Variants in KCNN3 observed in about 807,000 individuals in gnomAD.
KCNN3 encodes potassium calcium-activated channel subfamily N member 3, also known as small conductance calcium-activated potassium channel protein 3.
Under a neutral mutation model 62.9 loss-of-function variants are expected in KCNN3, and 16 were observed. That is an observed-to-expected ratio of 0.25 (90% CI 0.17 to 0.39). The LOEUF (loss-of-function observed/expected upper bound fraction) is 0.39. KCNN3 is among the 10% of genes least tolerant of loss of function. KCNN3 has a pLI of 1.00. For synonymous variants in KCNN3, 370 were observed against 389.2 expected (o/e 0.95, Z 0.58); for missense variants, 599 against 949.4 (o/e 0.63, Z 4.85).
At chr1:154,714,611 T>G (rs1467943609) in intron 6 of KCNN3, among the ~76,000 whole-genome samples, 3 of 54,390 alleles carry the variant, frequency 5.5e-5, no homozygotes, top group Non-Finnish European at 1.2e-4. Flanking sequence ...GTGTGGTGTG[T>G]GGTGTGTGTG....
chr1:154,701,339 A>G lies in KCNN3; in HGVS notation c.*6637T>C, dbSNP rs1699847579. The G allele has an allele frequency of 6.6e-6, 1 of 152,344 alleles. No homozygotes were observed. The highest frequency in any genetic ancestry group is 6.5e-5 in the Admixed American group (1 of 15,306). The allele number at this position is 152,344 out of a possible 1,614,324, so 9.4% of individuals were successfully genotyped here. On this transcript the variant is annotated 3_prime_UTR_variant, in exon 8 of 8. Transcript: ENST00000271915. ...CCGATGCAACCTGGTTTGCACCTGT[A>G]CAATATTGCACCAAAGCAACAACAG...
intron 1 of KCNN3, among the ~76,000 whole-genome samples, chr1:154,840,895 C>A (rs1431282892): frequency 4.6e-5 from 7 of 152,260 alleles, no homozygotes; most frequent in African/African-American, 1.7e-4. Context: ...GGTCAGGCCA[C>A]CGAATCCAGA....
chr1:154,848,779 G>C lies in KCNN3; in HGVS notation c.933+20253C>G, dbSNP rs1215655798. ...CCAGCTCAACCCCTACTTCTTCTAA[G>C]AAGCCTCCAAACATTAATATCCGCG... is the stretch of plus-strand genomic sequence containing the variant. On this transcript the variant is annotated intron_variant, in intron 1 of 7. Coordinates refer to ENST00000271915, the MANE Select transcript of KCNN3 (RefSeq NM_002249.6). Among the ~76,000 whole-genome samples, 4 of 152,234 alleles carry C rather than the reference G, an allele frequency of 2.6e-5. No homozygotes were observed. The East Asian group carries it at 7.7e-4, about 29-fold the overall frequency.
At chr1:154,857,762 C>T (rs1017203877) in intron 1 of KCNN3, among the ~76,000 whole-genome samples, 7 of 152,178 alleles carry the variant, frequency 4.6e-5, no homozygotes, top group Admixed American at 6.5e-5. Flanking sequence ...TTATATCTAC[C>T]TCACAGGGTT....
In KCNN3 at chr1:154,809,742, C is replaced by T. The variant is rs1650322827; in HGVS notation, c.1029+12347G>A. Among the ~76,000 whole-genome samples the T allele has an allele frequency of 6.6e-6, 1 of 152,192 alleles. No individual in the cohort carries two copies. The highest frequency in any genetic ancestry group is 2.1e-4 in the South Asian group (1 of 4,818). ...AGAAGAAAATGAAAGGTACAGTTCT[C>T]ACCTAAAAAGCCAACGGTATTAGGA... is the stretch of plus-strand genomic sequence containing the variant. On this transcript the variant is annotated intron_variant, in intron 2 of 7. Coordinates refer to ENST00000271915, the MANE Select transcript of KCNN3 (RefSeq NM_002249.6). The surrounding 1 kb of genome is among the most constrained non-coding windows in gnomAD (Gnocchi z 4.3).
At position 154,829,492 on chromosome 1, in the gene KCNN3, C is replaced by T. The variant is rs185399354; in HGVS notation, c.934-7308G>A. 1.1e-3 allele frequency among the ~76,000 whole-genome samples: 167 copies of T among 152,298 alleles called. 1 individual carries two copies. The highest frequency in any genetic ancestry group is 2.8e-3 in the Admixed American group (43 of 15,304). On this transcript the variant is annotated intron_variant, in intron 1 of 7. Transcript: ENST00000271915. ...AGCCCAGTCACCTTCTTACATGAAG[C>T]TTCTGTTCTGGGCCCACCCCTCAAC...
intron 3 of KCNN3, chr1:154,736,912 C>T (rs763584723): frequency 1.4e-4 from 94 of 650,768 alleles, no homozygotes; most frequent in Middle Eastern, 3.9e-4. Context: ...GAGTGTCCTT[C>T]GTTGTTTGTC....
chr1:154,816,956 C>T (rs1650693639), intron 2 of KCNN3, among the ~76,000 whole-genome samples: 1 of 152,232 alleles, frequency 6.6e-6, no homozygotes, highest in Admixed American at 6.5e-5. Context: ...GTCCTTGAGA[C>T]ATTCCCAGTG....
chr1:154,802,909 C>G (rs917244893), intron 2 of KCNN3, among the ~76,000 whole-genome samples: 4 of 152,204 alleles, frequency 2.6e-5, no homozygotes, highest in African/African-American at 9.6e-5. Flanking sequence ...GCTGCACCAG[C>G]CTTTCTACTT....
rs533612159 is a variant in KCNN3 at position 154,821,006 on chromosome 1, T to A, written c.1029+1083A>T. Among the ~76,000 whole-genome samples the A allele has an allele frequency of 5.3e-5, 8 of 152,190 alleles. No individual in the cohort carries two copies. The South Asian group carries it at 1.5e-3, about 28-fold the overall frequency. ...AACAAATGGGACTGGATTTGAACGG[T>A]GTTGTTAAATAGCGCTTCACAAAGC... On this transcript the variant is annotated intron_variant, in intron 2 of 7. Transcript: ENST00000271915.
At chr1:154,738,582 G>A (rs1171428551) in intron 3 of KCNN3, among the ~76,000 whole-genome samples, 1 of 152,174 alleles carries the variant, frequency 6.6e-6, no homozygotes, top group Non-Finnish European at 1.5e-5. Context: ...ATGCTACAGG[G>A]AGGCCCTCAT....
At chr1:154,744,472 C>T (rs996177742) in intron 3 of KCNN3, among the ~76,000 whole-genome samples, 12 of 152,252 alleles carry the variant, frequency 7.9e-5, no homozygotes, top group African/African-American at 1.4e-4. Flanking sequence ...AGGCAGCACC[C>T]GTGTGCCTGG....
At chr1:154,744,925 CAAAA>C (rs5777930) in intron 3 of KCNN3, among the ~76,000 whole-genome samples, 9 of 132,458 alleles carry the variant, frequency 6.8e-5, no homozygotes, top group African/African-American at 8.3e-5. Context: ...CACATTAAGG[CAAAA>C]AAAAAAAAAA....
intron 2 of KCNN3, among the ~76,000 whole-genome samples, chr1:154,797,700 T>C (rs1248769516): frequency 1.3e-5 from 2 of 152,224 alleles, no homozygotes; most frequent in African/African-American, 4.8e-5. Context: ...AAGCACTCTT[T>C]CAATTTTTGG....
chr1:154,838,237 C>T (rs1651682519), intron 1 of KCNN3, among the ~76,000 whole-genome samples: 1 of 152,142 alleles, frequency 6.6e-6, no homozygotes, highest in African/African-American at 2.4e-5. Flanking sequence ...CCTGAGGCCT[C>T]GACTTGGCCA....
chr1:154,792,033 G>A (rs1237609818), intron 2 of KCNN3, among the ~76,000 whole-genome samples: 2 of 152,218 alleles, frequency 1.3e-5, no homozygotes, highest in Admixed American at 6.5e-5. Context: ...CAGGTGACAC[G>A]TGTTTTATGA....
At position 154,713,481 on chromosome 1, in the gene KCNN3, G is replaced by C; in HGVS notation, c.1882C>G (p.Leu628Val). The change falls in exon 7 of 8, where the codon CTG becomes GTG. Residue 628 changes from leucine (L) to valine (V), a missense_variant. Coordinates refer to ENST00000271915, the MANE Select transcript of KCNN3 (RefSeq NM_002249.6). ...CCACTCACCTTGGAAAGGTCCACCA[G>C]AGTGTTGGCTTGGTCACTCAGCTTC... ...QRKLSDQANT[L>V]VDLSKMQNVM... 1.2e-6 allele frequency: 2 copies of C among 1,614,000 alleles called. No individual in the cohort carries two copies. The highest frequency in any genetic ancestry group is 1.7e-6 in the Non-Finnish European group (2 of 1,179,866).
intron 1 of KCNN3, among the ~76,000 whole-genome samples, chr1:154,866,148 T>G (rs1290996727): frequency 6.6e-6 from 1 of 152,152 alleles, no homozygotes; most frequent in African/African-American, 2.4e-5. Context: ...TAAACCATGC[T>G]TAAAGGTGGT....
intron 7 of KCNN3, among the ~76,000 whole-genome samples, chr1:154,712,522 C>T (rs561616091): frequency 4.6e-5 from 7 of 152,200 alleles, no homozygotes; most frequent in Admixed American, 1.3e-4. Context: ...GCACGTGGCC[C>T]GACAACTAGT....
Sources: allele counts gnomAD v4.1 joint callset (sites outside exome capture counted in the v4.1 genomes callset), GRCh38; gene constraint gnomAD v4.1.1; non-coding constraint Gnocchi (gnomAD v3.1); transcripts MANE v1.5; gene names NCBI Gene and HGNC (gene_info 2026-07-23, HGNC 2026-07-21).